Variants in CRACDL observed in about 807,000 individuals in gnomAD.
The protein encoded by CRACDL is CRACD-like protein.
In CRACDL, 26 loss-of-function variants were observed where a neutral mutation model predicts 70.6. That is an observed-to-expected ratio of 0.37 (90% CI 0.27 to 0.51). The LOEUF (loss-of-function observed/expected upper bound fraction) is 0.51, where lower values mean the gene tolerates loss of function less well. CRACDL is among the 20% of genes least tolerant of loss of function. The pLI, the probability that CRACDL is intolerant of heterozygous loss-of-function variation, is 0.94. For missense variants in CRACDL, 1,283 were observed against 1,376.9 expected (o/e 0.93, Z 1.08); for synonymous variants, 618 against 615.2 (o/e 1.00, Z -0.07).
intron 1 of CRACDL, among the ~76,000 whole-genome samples, chr2:98,868,687 A>G (rs1707235399): frequency 6.6e-6 from 1 of 152,142 alleles, no homozygotes; most frequent in African/African-American, 2.4e-5. Flanking sequence ...CAACATCCTT[A>G]AACTTTGACC....
At chr2:98,846,427 T>C (rs945778785) in intron 2 of CRACDL, among the ~76,000 whole-genome samples, 1 of 152,202 alleles carries the variant, frequency 6.6e-6, no homozygotes, top group African/African-American at 2.4e-5. Flanking sequence ...ATCCATTTAG[T>C]ACCTCTTCCT....
Position 98,796,144 on chromosome 2 carries a change from T to C in CRACDL, c.2725A>G (p.Ile909Val). Residue 909 changes from isoleucine to valine, a missense_variant, in exon 9 of 10, where the codon ATC becomes GTC. Ile to Val is a conservative substitution (Grantham distance 29). Transcript: ENST00000397899. Reference protein sequence around the residue: ...LNFKEGLQRGISLSHQNLAQS... With the variant: ...LNFKEGLQRGVSLSHQNLAQS... ...CCCAAGTTCTGATGGGACAATGAGATTCCTCTTTGCAGCCCCTCCTTGAAG... is the reference window on the plus strand; with the variant it reads ...CCCAAGTTCTGATGGGACAATGAGACTCCTCTTTGCAGCCCCTCCTTGAAG... 1 of 1,614,170 alleles carries C rather than the reference T, an allele frequency of 6.2e-7. No individual in the cohort carries two copies. The highest frequency in any genetic ancestry group is 8.5e-7 in the Non-Finnish European group (1 of 1,179,980).
intron 1 of CRACDL, among the ~76,000 whole-genome samples, chr2:98,930,725 G>A (rs979551758): frequency 6.6e-6 from 1 of 152,126 alleles, no homozygotes; most frequent in Non-Finnish European, 1.5e-5. Context: ...CACTGTGTAT[G>A]GCAGTTATGC....
At chr2:98,797,321 C>T (rs202148878) in intron 8 of CRACDL, 29 bp downstream of exon 8, 1 of 1,608,832 alleles carries the variant, frequency 6.2e-7, no homozygotes, top group East Asian at 2.2e-5. Context: ...CTCCTGCACC[C>T]ACAGAACAGA....
intron 1 of CRACDL, among the ~76,000 whole-genome samples, chr2:98,899,580 C>A (rs1708212385): frequency 6.6e-6 from 1 of 152,020 alleles, no homozygotes. Context: ...GCAGGGGGCA[C>A]TGGTGGCAAA....
intron 7 of CRACDL, among the ~76,000 whole-genome samples, chr2:98,808,803 GC>G (rs1407472169): frequency 6.6e-6 from 1 of 152,140 alleles, no homozygotes; most frequent in Admixed American, 6.5e-5. Context: ...GGGTCTCAGC[GC>G]CCCCCACATA....
chr2:98,859,730 T>C (rs909455696), intron 1 of CRACDL, among the ~76,000 whole-genome samples: 1 of 152,166 alleles, frequency 6.6e-6, no homozygotes, highest in African/African-American at 2.4e-5. Flanking sequence ...CAGAATGCTT[T>C]TCCCCGGAGA....
intron 1 of CRACDL, among the ~76,000 whole-genome samples, chr2:98,909,208 C>G (rs553318738): frequency 6.6e-6 from 1 of 152,328 alleles, no homozygotes; most frequent in South Asian, 2.1e-4. Flanking sequence ...TCAGGAGATT[C>G]ATGAGCCCTA....
chr2:98,865,450 C>G (rs1406883943), intron 1 of CRACDL, among the ~76,000 whole-genome samples: 1 of 152,104 alleles, frequency 6.6e-6, no homozygotes, highest in African/African-American at 2.4e-5. Flanking sequence ...TACAGATTCA[C>G]GCCTGGTTAC....
At chr2:98,836,159 T>G (rs1246834421) in intron 3 of CRACDL, among the ~76,000 whole-genome samples, 1 of 152,140 alleles carries the variant, frequency 6.6e-6, no homozygotes, top group Non-Finnish European at 1.5e-5. Context: ...CGTTATAGAT[T>G]AACAGACTTA....
At chr2:98,798,969 C>T (rs1481053769) in intron 7 of CRACDL, among the ~76,000 whole-genome samples, 2 of 152,206 alleles carry the variant, frequency 1.3e-5, no homozygotes, top group African/African-American at 4.8e-5. Flanking sequence ...CAGGCGTGAG[C>T]CACCTCCCCT....
chr2:98,795,075 A>ATTTTTTTTTTTTT lies in CRACDL; in HGVS notation c.2750-405_2750-404insAAAAAAAAAAAAA, dbSNP rs1310155610. The stretch of plus-strand genomic sequence containing the variant: ...TATATATATATATATATATATATAT[A>ATTTTTTTTTTTTT]TATTTTTTTTTTTTTTTGAGACAGA... On this transcript the variant is annotated intron_variant, in intron 9 of 9. Transcript: ENST00000397899. 6.4e-3 allele frequency among the ~76,000 whole-genome samples: 157 copies of ATTTTTTTTTTTTT among 24,450 alleles called. 11 individuals are homozygous for ATTTTTTTTTTTTT. The highest frequency in any genetic ancestry group is 0.012 in the African/African-American group (110 of 9,456). The allele number at this position is 24,450 out of a possible 152,430, so 16.0% of individuals were successfully genotyped here.
In CRACDL at chr2:98,838,160, G is replaced by C; in HGVS notation, c.198C>G (p.Ile66Met). Reference protein sequence around the residue: ...QSQTRNEVIAIESGPVGYDSE... With the variant: ...QSQTRNEVIAMESGPVGYDSE... ...AGTCGTAGCCCACTGGCCCGGATTC[G>C]ATGGCAATGACCTCATTCCTCGTCT... Residue 66 changes from isoleucine (I) to methionine (M), a missense_variant, in exon 3 of 10, where the codon ATC (isoleucine) becomes ATG (methionine). By Grantham distance (10) the Ile-to-Met change is conservative (BLOSUM62 1). Around this residue, in one of 2 missense-constraint regions of CRACDL, gnomAD observed 362 missense variants for 495.0 expected, o/e 0.73. Transcript: ENST00000397899. The C allele has an allele frequency of 6.2e-7, 1 of 1,613,494 alleles. No individual in the cohort carries two copies. The highest frequency in any genetic ancestry group is 8.5e-7 in the Non-Finnish European group (1 of 1,179,752).
chr2:98,823,281 T>A lies in CRACDL; in HGVS notation c.992A>T (p.Asp331Val), dbSNP rs1327864686. ...SVEEGGVPGE[D>V]PSSRPATPEL... is the part of the protein sequence containing the mutation. ...CGGGGTGGCCGGGCGGCTTGAGGGGTCCTCCCCGGGGACGCCCCCCTCCTC... is the reference window on the plus strand; with the variant it reads ...CGGGGTGGCCGGGCGGCTTGAGGGGACCTCCCCGGGGACGCCCCCCTCCTC... The change falls in exon 7 of 10, where the codon GAC becomes GTC. Residue 331 changes from aspartate to valine, a missense_variant. Transcript: ENST00000397899. This position sits in a 1 kb window ranked among gnomAD's most constrained non-coding sequence, Gnocchi z 4.0. The A allele has an allele frequency of 6.4e-6, 9 of 1,413,790 alleles. No individual in the cohort carries two copies. Among genetic ancestry groups the A allele is most frequent in the Non-Finnish European group, 6.4e-6 (7 of 1,094,686 alleles). The allele number at this position is 1,413,790 out of a possible 1,614,324, so 87.6% of individuals were successfully genotyped here.
At chr2:98,861,557 C>T (rs1273463398) in intron 1 of CRACDL, among the ~76,000 whole-genome samples, 1 of 152,066 alleles carries the variant, frequency 6.6e-6, no homozygotes, top group Admixed American at 6.6e-5. Flanking sequence ...ACCATTCAGC[C>T]CAGCAATTAC....
intron 1 of CRACDL, among the ~76,000 whole-genome samples, chr2:98,849,840 CA>C (rs1282255460): frequency 2.0e-5 from 3 of 152,250 alleles, no homozygotes; most frequent in Non-Finnish European, 4.4e-5. Context: ...AGGAAGGTGG[CA>C]AAAACTTGAA....
At position 98,794,371 on chromosome 2, in the gene CRACDL, C is replaced by T; in HGVS notation, c.*161G>A. 1.6e-6 allele frequency: 1 copy of T among 623,534 alleles called. No homozygotes were observed. Among genetic ancestry groups the T allele is most frequent in the Non-Finnish European group, 2.8e-6 (1 of 362,166 alleles). 38.6% of individuals were successfully genotyped at this position (623,534 alleles called of 1,614,324 possible). On this transcript the variant is annotated 3_prime_UTR_variant, in exon 10 of 10. Transcript: ENST00000397899. ...CCAGGAGTATGGCTGTGTGTTTATC[C>T]TCTTTGTTTTGCCTGGTTCCTTCCT...
chr2:98,803,783 C>A (rs1704179220), intron 7 of CRACDL, among the ~76,000 whole-genome samples: 1 of 152,228 alleles, frequency 6.6e-6, no homozygotes, highest in African/African-American at 2.4e-5. Context: ...CTAGAACAGT[C>A]ACTGTGCCTC....
chr2:98,797,377 C>T lies in CRACDL; in HGVS notation c.2577G>A (p.Lys859=). 1 of 1,614,196 alleles carries T rather than the reference C, an allele frequency of 6.2e-7. No individual in the cohort carries two copies. The highest frequency in any genetic ancestry group is 1.1e-5 in the South Asian group (1 of 91,086). ...GARTLKSEPG[K]QAKVPERGQE... is the part of the protein sequence containing the mutation. ...GGCCTCTCTCGGGCACCTTGGCTTGCTTTCCTGGTTCAGACTTCAGGGTCC... is the reference window on the plus strand; with the variant it reads ...GGCCTCTCTCGGGCACCTTGGCTTGTTTTCCTGGTTCAGACTTCAGGGTCC... The change falls in exon 8 of 10, where the codon AAG becomes AAA. Residue 859 remains lysine, a synonymous_variant. Transcript: ENST00000397899.
Sources: gnomAD v4.1 joint callset for allele counts (sites outside exome capture counted in the v4.1 genomes callset) on GRCh38, gnomAD v4.1.1 for gene constraint, gnomAD v4.1.1 regional missense constraint, Gnocchi (gnomAD v3.1) non-coding constraint, MANE v1.5 for transcripts, NCBI Gene and HGNC (gene_info 2026-07-23, HGNC 2026-07-21) for gene names.